PTK2B: variants seen among roughly 807,000 people sequenced by gnomAD.
PTK2B encodes protein-tyrosine kinase 2-beta.
In PTK2B, 71 loss-of-function variants were observed where a neutral mutation model predicts 142.9. That is an observed-to-expected ratio of 0.50 (90% CI 0.41 to 0.61). The LOEUF is 0.61. PTK2B is among the 20% of genes least tolerant of loss of function. PTK2B has a pLI of 0.00. For missense variants in PTK2B, 1,105 were observed against 1,320.4 expected (o/e 0.84, Z 2.53); for synonymous variants, 519 against 503.4 (o/e 1.03, Z -0.42).
At chr8:27,426,116 G>A (rs1414808367) in intron 5 of PTK2B, among the ~76,000 whole-genome samples, 1 of 152,138 alleles carries the variant, frequency 6.6e-6, no homozygotes, top group Non-Finnish European at 1.5e-5. Context: ...CGTAACCCCA[G>A]ATTAGCTAAG....
At chr8:27,336,789 A>T (rs1006981331) in intron 1 of PTK2B, among the ~76,000 whole-genome samples, 1 of 152,170 alleles carries the variant, frequency 6.6e-6, no homozygotes, top group African/African-American at 2.4e-5. Context: ...CCTGTGGTCT[A>T]AAGAGAGTTA....
rs1466942241 is a variant in PTK2B at position 27,454,671 on chromosome 8, C to T, written c.2814+60C>T. On this transcript the variant is annotated intron_variant, in intron 30 of 30. Transcript: ENST00000346049. ...TTGCTTTGCTCCTGCTTATGAGCCT[C>T]ATTAGAGGCTCATGATGGCTGCCTG... 23 of 1,557,008 alleles carry T rather than the reference C, an allele frequency of 1.5e-5. No individual in the cohort carries two copies. In the African/African-American group the frequency reaches 2.2e-4, roughly 15 times the overall value.
intron 1 of PTK2B, among the ~76,000 whole-genome samples, chr8:27,395,194 A>G (rs537366697): frequency 4.5e-4 from 69 of 152,308 alleles, no homozygotes; most frequent in Non-Finnish European, 8.1e-4. Flanking sequence ...CCGTAATTGT[A>G]TGTGCTAGAC....
In PTK2B at chr8:27,383,852, A is replaced by ATTTTTTTTTTTT. The variant is rs749255419; in HGVS notation, c.-37-13694_-37-13683dup. Among the ~76,000 whole-genome samples, 14 of 116,592 alleles carry ATTTTTTTTTTTT rather than the reference A, an allele frequency of 1.2e-4. 1 individual carries two copies. The highest frequency in any genetic ancestry group is 2.1e-4 in the African/African-American group (7 of 32,986). The allele number at this position is 116,592 out of a possible 152,430, so 76.5% of individuals were successfully genotyped here. The stretch of plus-strand genomic sequence containing the variant: ...AGGTGTGCACCACCACACCTGGCTA[A>ATTTTTTTTTTTT]TTTTTTTTTTTTTGAGACAGAGTTT... On this transcript the variant is annotated intron_variant, in intron 1 of 30. Transcript: ENST00000346049.
At chr8:27,380,069 ATTG>A (rs1806919531) in intron 1 of PTK2B, among the ~76,000 whole-genome samples, 1 of 151,732 alleles carries the variant, frequency 6.6e-6, no homozygotes, top group African/African-American at 2.4e-5. Flanking sequence ...TGTTTTTGTT[ATTG>A]TTGTTTATTA....
chr8:27,385,920 C>G (rs1377949264), intron 1 of PTK2B, among the ~76,000 whole-genome samples: 1 of 147,844 alleles, frequency 6.8e-6, no homozygotes, highest in Non-Finnish European at 1.5e-5. Flanking sequence ...AAGACAGTAT[C>G]CGAGGAGGAG....
intron 1 of PTK2B, among the ~76,000 whole-genome samples, chr8:27,335,347 C>T (rs1312455872): frequency 6.6e-6 from 1 of 152,200 alleles, no homozygotes; most frequent in African/African-American, 2.4e-5. Flanking sequence ...AATCCCAGCA[C>T]TCTGGGAGGC....
In PTK2B at chr8:27,391,166, G is replaced by A. The variant is rs1400678197; in HGVS notation, c.-37-6382G>A. Among the ~76,000 whole-genome samples, 4 of 151,144 alleles carry A rather than the reference G, an allele frequency of 2.6e-5. 1 individual carries two copies. In the Middle Eastern group the frequency reaches 0.01, roughly 388 times the overall value. ...TGCAATCTCGGCTCGGTGCAATCTC[G>A]GCTCACTGCAAGCTCCGTCTCCCGG... On this transcript the variant is annotated intron_variant, in intron 1 of 30. Transcript: ENST00000346049.
rs563667355 is a variant in PTK2B at position 27,333,962 on chromosome 8, G to A, written c.-38+8281G>A. Among the ~76,000 whole-genome samples, 12 of 151,468 alleles carry A rather than the reference G, an allele frequency of 7.9e-5. No individual in the cohort carries two copies. The East Asian group carries it at 9.7e-4, about 12-fold the overall frequency. ...GAAATTAAACTCCTCCTTTTCTCACGCCAAACCATCTCTCCTCCTGGCTTC... is the reference window on the plus strand; with the variant it reads ...GAAATTAAACTCCTCCTTTTCTCACACCAAACCATCTCTCCTCCTGGCTTC... On this transcript the variant is annotated intron_variant, in intron 1 of 30. Coordinates refer to ENST00000346049, the MANE Select transcript of PTK2B (RefSeq NM_173176.3).
At chr8:27,408,002 C>A (rs186835647) in intron 2 of PTK2B, among the ~76,000 whole-genome samples, 207 of 152,302 alleles carry the variant, frequency 1.4e-3, no homozygotes, top group Admixed American at 2.5e-3. Context: ...CCATTTAAAT[C>A]TTTACTGTAA....
chr8:27,341,318 C>G lies in PTK2B; in HGVS notation c.-38+15637C>G, dbSNP rs1245185335. On this transcript the variant is annotated intron_variant, in intron 1 of 30. Transcript: ENST00000346049. ...CCTTTGTCTCCCAATCATAATCTAG[C>G]AAATGTCAGGATACGGAGCTCACAC... Among the ~76,000 whole-genome samples, 4 of 152,172 alleles carry G rather than the reference C, an allele frequency of 2.6e-5. No individual in the cohort carries two copies. The East Asian group carries it at 7.7e-4, about 29-fold the overall frequency.
intron 1 of PTK2B, among the ~76,000 whole-genome samples, chr8:27,354,721 C>T (rs886400793): frequency 2.6e-5 from 4 of 152,046 alleles, no homozygotes; most frequent in Admixed American, 2.0e-4. Context: ...ATTTACATAC[C>T]GCTGGGCTGT....
chr8:27,330,540 C>T (rs1420362682), intron 1 of PTK2B, among the ~76,000 whole-genome samples: 1 of 152,146 alleles, frequency 6.6e-6, no homozygotes, highest in Non-Finnish European at 1.5e-5. Flanking sequence ...TCATTTAAAG[C>T]GTTCAGAGAG....
chr8:27,434,238 G>T, intron 12 of PTK2B, 106 bp downstream of exon 12: 2 of 1,403,914 alleles, frequency 1.4e-6, no homozygotes, highest in Non-Finnish European at 2.0e-6. Flanking sequence ...CTGGCTTTCA[G>T]GCCCAGGAGA....
At chr8:27,371,420 C>G (rs1806350029) in intron 1 of PTK2B, among the ~76,000 whole-genome samples, 1 of 152,126 alleles carries the variant, frequency 6.6e-6, no homozygotes, top group Non-Finnish European at 1.5e-5. Flanking sequence ...ACTCAAGGGA[C>G]TTGGAGGTAT....
intron 1 of PTK2B, among the ~76,000 whole-genome samples, chr8:27,331,118 C>A (rs1586090934): frequency 6.6e-6 from 1 of 152,246 alleles, no homozygotes; most frequent in African/African-American, 2.4e-5. Flanking sequence ...AAAGAATCCA[C>A]CTCGCCCAGG....
chr8:27,437,974 G>A, intron 18 of PTK2B, 94 bp downstream of exon 18: 1 of 1,108,488 alleles, frequency 9.0e-7, no homozygotes, highest in Non-Finnish European at 1.3e-6. Flanking sequence ...GGGTGACACA[G>A]AGCAGTGTTG....
chr8:27,454,682 C>T lies in PTK2B; in HGVS notation c.2814+71C>T, dbSNP rs369188275. 4 of 1,522,060 alleles carry T rather than the reference C, an allele frequency of 2.6e-6. No individual in the cohort carries two copies. In the African/African-American group the frequency reaches 4.1e-5, roughly 16 times the overall value. The allele number at this position is 1,522,060 out of a possible 1,614,324, so 94.3% of individuals were successfully genotyped here. ...CTGCTTATGAGCCTCATTAGAGGCT[C>T]ATGATGGCTGCCTGGGCAACCTCAT... On this transcript the variant is annotated intron_variant, in intron 30 of 30. Coordinates refer to ENST00000346049, the MANE Select transcript of PTK2B (RefSeq NM_173176.3).
chr8:27,450,742 C>A lies in PTK2B; in HGVS notation c.2341-7C>A. ...CATCCTCTCCCTTCTCTCTGCCGTCCTCCCAGGAGGAGGACTTCATCCAAC... is the reference window on the plus strand; with the variant it reads ...CATCCTCTCCCTTCTCTCTGCCGTCATCCCAGGAGGAGGACTTCATCCAAC... On this transcript the variant is annotated splice_region_variant and splice_polypyrimidine_tract_variant and intron_variant, in intron 24 of 30. Transcript: ENST00000346049. 6.2e-7 allele frequency: 1 copy of A among 1,614,168 alleles called. No individual in the cohort carries two copies. The highest frequency in any genetic ancestry group is 8.5e-7 in the Non-Finnish European group (1 of 1,180,010).
Sources: allele counts gnomAD v4.1 joint callset (sites outside exome capture counted in the v4.1 genomes callset), GRCh38; gene constraint gnomAD v4.1.1; transcripts MANE v1.5; gene names NCBI Gene and HGNC (gene_info 2026-07-23, HGNC 2026-07-21).